Variants in HNRNPC observed in about 807,000 individuals in gnomAD.
HNRNPC encodes heterogeneous nuclear ribonucleoproteins C1/C2.
HNRNPC carries 3 observed loss-of-function variants against 33.2 expected under a neutral mutation model. The ratio of observed to expected loss-of-function variants is 0.09; its 90% CI spans 0.04 to 0.23. HNRNPC has a LOEUF of 0.23. Ranked by LOEUF, HNRNPC falls within the 10% of genes least tolerant of loss-of-function variation. The pLI is 1.00. For missense variants in HNRNPC, 143 were observed against 366.7 expected, an observed-to-expected ratio of 0.39 and a Z score of 4.98; for synonymous variants, 121 against 126.7, an observed-to-expected ratio of 0.96 and a Z score of 0.30.
At chr14:21,253,569 T>C (rs1027926770) in intron 2 of HNRNPC, among the ~76,000 whole-genome samples, 3 of 151,870 alleles carry the variant, frequency 2.0e-5, no homozygotes, top group Non-Finnish European at 4.4e-5. Flanking sequence ...GACAACATTG[T>C]ATCAATGTTT....
At chr14:21,212,643 A>G (rs994142354) in intron 6 of HNRNPC, among the ~76,000 whole-genome samples, 1 of 151,962 alleles carries the variant, frequency 6.6e-6, no homozygotes, top group Non-Finnish European at 1.5e-5. Context: ...CCTGGGTAAA[A>G]GCGATTCTCC....
chr14:21,229,042 G>A (rs948637638), intron 5 of HNRNPC, among the ~76,000 whole-genome samples: 3 of 144,906 alleles, frequency 2.1e-5, no homozygotes, highest in South Asian at 4.3e-4. Flanking sequence ...CCAAAATCAC[G>A]CCACTTCACT....
intron 2 of HNRNPC, among the ~76,000 whole-genome samples, chr14:21,249,078 GTTT>G (rs772368596): frequency 7.2e-5 from 11 of 152,132 alleles, no homozygotes; most frequent in African/African-American, 1.2e-4. Flanking sequence ...GGGGTTTTGA[GTTT>G]TTTAAATTTT....
intron 5 of HNRNPC, among the ~76,000 whole-genome samples, chr14:21,215,797 G>A (rs965795862): frequency 2.0e-5 from 3 of 151,682 alleles, no homozygotes; most frequent in African/African-American, 7.3e-5. Context: ...ACTCAGGAGG[G>A]CTGAGGCAGA....
chr14:21,264,701 A>G (rs1262532245), intron 1 of HNRNPC: 2 of 152,202 alleles, frequency 1.3e-5, no homozygotes, highest in Non-Finnish European at 2.9e-5. Context: ...TTTAGCCATG[A>G]GGTCTTATTC....
chr14:21,237,473 G>C (rs1247493487), intron 2 of HNRNPC, among the ~76,000 whole-genome samples: 1 of 152,134 alleles, frequency 6.6e-6, no homozygotes, highest in Non-Finnish European at 1.5e-5. Flanking sequence ...ATATTCTTCT[G>C]TAACTCTTGA....
At chr14:21,212,510 A>G (rs942503849) in intron 6 of HNRNPC, among the ~76,000 whole-genome samples, 6 of 151,680 alleles carry the variant, frequency 4.0e-5, no homozygotes, top group Non-Finnish European at 8.8e-5. Context: ...AGAATTGGCC[A>G]CTCAATCACA....
intron 2 of HNRNPC, among the ~76,000 whole-genome samples, chr14:21,255,430 T>G (rs1022556672): frequency 6.6e-6 from 1 of 152,238 alleles, no homozygotes; most frequent in Non-Finnish European, 1.5e-5. Context: ...TACATATTTT[T>G]AAAATGGTCA....
intron 2 of HNRNPC, among the ~76,000 whole-genome samples, chr14:21,244,827 A>T (rs1186139830): frequency 1.3e-5 from 2 of 152,172 alleles, no homozygotes; most frequent in African/African-American, 4.8e-5. Flanking sequence ...CACTATAAGA[A>T]GTTCTAACAC....
chr14:21,240,551 C>G, intron 2 of HNRNPC, among the ~76,000 whole-genome samples: 1 of 151,980 alleles, frequency 6.6e-6, no homozygotes, highest in South Asian at 2.1e-4. Flanking sequence ...GTTGTGAGAG[C>G]CCTGGAATTT....
chr14:21,250,216 G>T (rs1232414319), intron 2 of HNRNPC, among the ~76,000 whole-genome samples: 1 of 151,490 alleles, frequency 6.6e-6, no homozygotes, highest in East Asian at 1.9e-4. Flanking sequence ...TCGCACCACT[G>T]CACTCCAGCC....
intron 1 of HNRNPC, among the ~76,000 whole-genome samples, chr14:21,267,095 C>CAAAAAAAAAAAAA (rs56203257): frequency 9.6e-6 from 1 of 104,050 alleles, no homozygotes; most frequent in Non-Finnish European, 2.0e-5. Context: ...GACTCCGTCT[C>CAAAAAAAAAAAAA]AAAAAAAAAA....
At chr14:21,249,010 A>C (rs1410312639) in intron 2 of HNRNPC, among the ~76,000 whole-genome samples, 1 of 152,242 alleles carries the variant, frequency 6.6e-6, no homozygotes, top group East Asian at 1.9e-4. Flanking sequence ...GAGCATAACC[A>C]AAGTATGTAC....
intron 2 of HNRNPC, among the ~76,000 whole-genome samples, chr14:21,249,325 A>C (rs1896348182): frequency 6.6e-6 from 1 of 151,914 alleles, no homozygotes. Flanking sequence ...TAATCCTGCC[A>C]GCACTCTGGG....
At chr14:21,260,833 C>T (rs945071667) in intron 2 of HNRNPC, among the ~76,000 whole-genome samples, 15 of 151,690 alleles carry the variant, frequency 9.9e-5, no homozygotes, top group Non-Finnish European at 1.5e-4. Context: ...CATGGTGGTC[C>T]GTGCCTGTAG....
intron 2 of HNRNPC, among the ~76,000 whole-genome samples, chr14:21,242,416 GGAGGTTGCAGT>G (rs1895463347): frequency 6.6e-6 from 1 of 152,146 alleles, no homozygotes; most frequent in Admixed American, 6.5e-5. Context: ...CCCAAGACGC[GGAGGTTGCAGT>G]GAGCCTAGAT....
Position 21,210,484 on chromosome 14 carries a change from A to T in HNRNPC, c.*739T>A, listed in dbSNP as rs1414951510. The T allele has an allele frequency of 1.3e-5, 2 of 152,564 alleles. No individual in the cohort carries two copies. The highest frequency in any genetic ancestry group is 1.5e-5 in the Non-Finnish European group (1 of 68,014). The allele number at this position is 152,564 out of a possible 1,614,324, so 9.5% of individuals were successfully genotyped here. On this transcript the variant is annotated 3_prime_UTR_variant, in exon 9 of 9. Coordinates refer to ENST00000553300, the MANE Select transcript of HNRNPC (RefSeq NM_004500.4). ...CTAGTGCATTCTAGAGGTTTTGTGG[A>T]GGACGCTGTAAAACAAAGTTTGAAG...
At chr14:21,222,959 G>T (rs1892998372) in intron 5 of HNRNPC, among the ~76,000 whole-genome samples, 1 of 151,992 alleles carries the variant, frequency 6.6e-6, no homozygotes, top group Non-Finnish European at 1.5e-5. Flanking sequence ...CTAGCACTTT[G>T]GGAGGCTGAG....
At chr14:21,217,763 A>G (rs955408590) in intron 5 of HNRNPC, among the ~76,000 whole-genome samples, 6 of 152,220 alleles carry the variant, frequency 3.9e-5, no homozygotes, top group African/African-American at 1.4e-4. Flanking sequence ...CTCCACGAAG[A>G]AAAAATACAT....
Sources: allele counts gnomAD v4.1 joint callset (sites outside exome capture counted in the v4.1 genomes callset), GRCh38; gene constraint gnomAD v4.1.1; transcripts MANE v1.5; gene names NCBI Gene and HGNC (gene_info 2026-07-23, HGNC 2026-07-21).